ACSM5: variants seen among roughly 807,000 people sequenced by gnomAD.
ACSM5 encodes the protein acyl-coenzyme A synthetase ACSM5, mitochondrial.
ACSM5 carries 56 observed loss-of-function variants against 71.6 expected under a neutral mutation model. The ratio of observed to expected loss-of-function variants is 0.78; its 90% CI spans 0.63 to 0.98. The LOEUF (loss-of-function observed/expected upper bound fraction) is 0.98, where lower values mean the gene tolerates loss of function less well. ACSM5 is among the 50% of genes least tolerant of loss of function. The pLI is 0.00. For missense variants in ACSM5, 723 were observed against 726.0 expected, an observed-to-expected ratio of 1.00 and a Z score of 0.05; for synonymous variants, 285 against 281.5, an observed-to-expected ratio of 1.01 and a Z score of -0.12.
intron 10 of ACSM5, among the ~76,000 whole-genome samples, chr16:20,436,598 G>A (rs1251010241): frequency 3.3e-5 from 5 of 152,062 alleles, no homozygotes; most frequent in African/African-American, 1.2e-4. Flanking sequence ...TCGAATTCCA[G>A]ACCTCAAGTG....
In ACSM5 at chr16:20,421,295, A is replaced by T. The variant is rs772599239; in HGVS notation, c.661A>T (p.Ser221Cys). Reference sequence around the variant, plus strand: ...AGAGCACAACTGCATGAGGACAAAGAGTCGAGACCCGCTGGCCATCTACTT... The same window carrying T: ...AGAGCACAACTGCATGAGGACAAAGTGTCGAGACCCGCTGGCCATCTACTT... ...STEHNCMRTK[S>C]RDPLAIYFTS... Residue 221 changes from serine (S) to cysteine (C), a missense_variant, in exon 5 of 14, where the codon AGT becomes TGT. Physicochemically the swap from Ser to Cys is moderately radical, Grantham distance 112. Transcript: ENST00000331849. The T allele has an allele frequency of 1.6e-5, 25 of 1,606,332 alleles. No homozygotes were observed. Among genetic ancestry groups the T allele is most frequent in the Middle Eastern group, 3.3e-4 (2 of 6,048 alleles).
intron 6 of ACSM5, among the ~76,000 whole-genome samples, 183 bp downstream of exon 6, chr16:20,424,252 T>G (rs1966933887): frequency 6.6e-6 from 1 of 152,176 alleles, no homozygotes; most frequent in South Asian, 2.1e-4. Context: ...TTGCCTATGC[T>G]CTAGCTACAT....
chr16:20,427,074 G>A (rs535931735), intron 6 of ACSM5, among the ~76,000 whole-genome samples: 52 of 151,406 alleles, frequency 3.4e-4, no homozygotes, highest in African/African-American at 1.1e-3. Flanking sequence ...AGGCCAAGGC[G>A]GGTGAATCAT....
intron 2 of ACSM5, among the ~76,000 whole-genome samples, chr16:20,416,301 G>T (rs1020433005): frequency 4.6e-5 from 6 of 129,966 alleles, no homozygotes; most frequent in African/African-American, 1.1e-4. Context: ...AAAAAAAAAA[G>T]AAGACTCACA....
chr16:20,414,396 G>T (rs1966852803), intron 2 of ACSM5, among the ~76,000 whole-genome samples: 1 of 152,182 alleles, frequency 6.6e-6, no homozygotes, highest in South Asian at 2.1e-4. Context: ...ACAGAGGTGG[G>T]AGTGATGTGG....
intron 8 of ACSM5, 114 bp from the exon 9 acceptor site, chr16:20,430,879 A>T: frequency 1.5e-6 from 1 of 683,334 alleles, no homozygotes; most frequent in East Asian, 2.7e-5. Context: ...AAAGTGAGGG[A>T]GGAGAAAAAA....
At chr16:20,427,158 G>T (rs370125493) in intron 6 of ACSM5, among the ~76,000 whole-genome samples, 1 of 151,828 alleles carries the variant, frequency 6.6e-6, no homozygotes, top group African/African-American at 2.4e-5. Flanking sequence ...AAAATTAGCC[G>T]GGCCTGGTGG....
chr16:20,436,278 C>G (rs1003383658), intron 10 of ACSM5, among the ~76,000 whole-genome samples: 1 of 147,706 alleles, frequency 6.8e-6, no homozygotes, highest in Non-Finnish European at 1.5e-5. Context: ...CTCCCCTCCC[C>G]TTCCTTTCCT....
chr16:20,419,210 C>T lies in ACSM5; in HGVS notation c.416-18C>T. 6.2e-7 allele frequency: 1 copy of T among 1,613,832 alleles called. No homozygotes were observed. Among genetic ancestry groups the T allele is most frequent in the Non-Finnish European group, 8.5e-7 (1 of 1,179,764 alleles). On this transcript the variant is annotated intron_variant, in intron 3 of 13. Transcript: ENST00000331849. ...CTTCCCCGCTATCCACTCAACATCC[C>T]CTTCTGTTTTATGCCAGGGACTGTG...
intron 2 of ACSM5, among the ~76,000 whole-genome samples, chr16:20,414,053 G>A (rs1268885871): frequency 1.3e-5 from 2 of 152,160 alleles, no homozygotes; most frequent in Non-Finnish European, 2.9e-5. Context: ...TGGGGAATGG[G>A]TGGGGGTGGA....
intron 12 of ACSM5, among the ~76,000 whole-genome samples, chr16:20,439,048 C>T (rs1967263533): frequency 6.8e-6 from 1 of 147,574 alleles, no homozygotes; most frequent in African/African-American, 2.5e-5. Context: ...GCATATCTGT[C>T]TGAACATGAA....
intron 1 of ACSM5, among the ~76,000 whole-genome samples, chr16:20,410,644 G>A (rs896820585): frequency 3.9e-5 from 6 of 152,158 alleles, no homozygotes; most frequent in Non-Finnish European, 7.3e-5. Flanking sequence ...TGGGGTGGAA[G>A]GACTGCTTGA....
intron 5 of ACSM5, among the ~76,000 whole-genome samples, chr16:20,423,299 G>A (rs960680457): frequency 3.3e-5 from 5 of 152,182 alleles, no homozygotes; most frequent in African/African-American, 7.2e-5. Context: ...GTGCATGACC[G>A]CTTTTTATGT....
intron 6 of ACSM5, among the ~76,000 whole-genome samples, chr16:20,427,411 T>C (rs1364681062): frequency 1.3e-5 from 2 of 152,234 alleles, no homozygotes; most frequent in African/African-American, 4.8e-5. Context: ...CACCTGTCCG[T>C]AGGATGGCTT....
intron 10 of ACSM5, among the ~76,000 whole-genome samples, chr16:20,434,816 C>G (rs1262964849): frequency 6.6e-6 from 1 of 152,224 alleles, no homozygotes; most frequent in Non-Finnish European, 1.5e-5. Flanking sequence ...TCCACAAAAG[C>G]ATTACCATAA....
At chr16:20,420,150 CAG>C (rs1328644885) in intron 4 of ACSM5, among the ~76,000 whole-genome samples, 2 of 152,228 alleles carry the variant, frequency 1.3e-5, no homozygotes, top group African/African-American at 4.8e-5. Context: ...AGGAGCCTCT[CAG>C]GGGCCTGAAC....
chr16:20,438,117 C>G (rs71384451), intron 12 of ACSM5, among the ~76,000 whole-genome samples: 3 of 151,766 alleles, frequency 2.0e-5, no homozygotes, highest in African/African-American at 7.3e-5. Context: ...CGTGAGTCAC[C>G]GTGCCCGGCT....
chr16:20,437,148 G>A lies in ACSM5; in HGVS notation c.1405G>A (p.Gly469Arg), dbSNP rs557591895. ...MDKDGYFWFMGRNDDVINSSS... is the reference protein window; with the variant it reads ...MDKDGYFWFMRRNDDVINSSS... ...CAAGGATGGCTACTTTTGGTTCATG[G>A]GAAGAAACGACGATGTGATCAATTC... The change falls in exon 11 of 14, where the codon GGA becomes AGA. Residue 469 changes from glycine (G) to arginine (R), a missense_variant. By Grantham distance (125) the Gly-to-Arg change is moderately radical. Coordinates refer to ENST00000331849, the MANE Select transcript of ACSM5 (RefSeq NM_017888.3). 1.2e-6 allele frequency: 2 copies of A among 1,614,184 alleles called. No homozygotes were observed. Among genetic ancestry groups the A allele is most frequent in the Non-Finnish European group, 8.5e-7 (1 of 1,180,026 alleles).
intron 7 of ACSM5, among the ~76,000 whole-genome samples, chr16:20,429,359 G>A (rs1967049787): frequency 7.7e-6 from 1 of 129,726 alleles, no homozygotes; most frequent in Non-Finnish European, 1.6e-5. Context: ...TCAGATTACT[G>A]TCCTAACCAA....
Sources: allele counts gnomAD v4.1 joint callset (sites outside exome capture counted in the v4.1 genomes callset), GRCh38; gene constraint gnomAD v4.1.1; transcripts MANE v1.5; gene names NCBI Gene and HGNC (gene_info 2026-07-23, HGNC 2026-07-21).